Variants in RAD51B observed in about 807,000 individuals in gnomAD.
RAD51B encodes the protein RAD51 paralog B.
Under a neutral mutation model 42.2 loss-of-function variants are expected in RAD51B, and 38 were observed. The ratio of observed to expected loss-of-function variants is 0.90; its 90% CI spans 0.70 to 1.18. The LOEUF (loss-of-function observed/expected upper bound fraction) is 1.18, where lower values mean the gene tolerates loss of function less well. RAD51B is among the 50% of genes most tolerant of loss of function. The probability of loss-of-function intolerance (pLI) is 0.00; values close to 1 mark genes in which losing one functional copy is unlikely to be tolerated. For synonymous variants in RAD51B, 154 were observed against 145.2 expected, an observed-to-expected ratio of 1.06 and a Z score of -0.43; for missense variants, 373 against 400.7, an observed-to-expected ratio of 0.93 and a Z score of 0.59.
At chr14:67,963,838 AT>A (rs939550791) in intron 7 of RAD51B, among the ~76,000 whole-genome samples, 2 of 151,646 alleles carry the variant, frequency 1.3e-5, no homozygotes, top group African/African-American at 4.8e-5. Context: ...TTTTTTTAGG[AT>A]TTTTTTGAGT....
chr14:68,349,927 T>G (rs79266282), intron 8 of RAD51B, among the ~76,000 whole-genome samples: 3,005 of 152,312 alleles, frequency 0.02, 91 homozygotes, highest in African/African-American at 0.067. Context: ...TACACATAGA[T>G]GCAAGCTTGT....
At chr14:68,113,299 A>G (rs1324324792) in intron 7 of RAD51B, among the ~76,000 whole-genome samples, 2 of 152,136 alleles carry the variant, frequency 1.3e-5, no homozygotes, top group Non-Finnish European at 2.9e-5. Context: ...GAAGAAAACA[A>G]CTCATAAGAA....
chr14:68,422,465 G>T (rs2084728436), intron 9 of RAD51B, among the ~76,000 whole-genome samples: 1 of 150,522 alleles, frequency 6.6e-6, no homozygotes, highest in South Asian at 2.1e-4. Context: ...GGAGGCTGAG[G>T]CAGGGAATTG....
At chr14:68,461,632 C>T (rs1251786912) in intron 9 of RAD51B, among the ~76,000 whole-genome samples, 5 of 152,184 alleles carry the variant, frequency 3.3e-5, no homozygotes, top group Non-Finnish European at 7.3e-5. Context: ...CCACCCAAGT[C>T]CTATTGCACT....
intron 7 of RAD51B, among the ~76,000 whole-genome samples, chr14:68,130,539 A>G (rs1230466491): frequency 2.6e-5 from 4 of 152,252 alleles, no homozygotes; most frequent in Non-Finnish European, 5.9e-5. Context: ...CTCATTGTAT[A>G]GCATATCTTG....
At chr14:68,274,494 AG>A (rs1376088231) in intron 7 of RAD51B, among the ~76,000 whole-genome samples, 2 of 152,196 alleles carry the variant, frequency 1.3e-5, no homozygotes, top group East Asian at 3.8e-4. Flanking sequence ...TCCAATACCC[AG>A]CCCAAAATCA....
chr14:68,479,205 G>A (rs1177527555), downstream of RAD51B, among the ~76,000 whole-genome samples: 2 of 152,186 alleles, frequency 1.3e-5, no homozygotes, highest in Non-Finnish European at 2.9e-5. Flanking sequence ...GAAAACCAAG[G>A]TGAGTTTTCG....
chr14:68,326,992 C>A (rs1424209190), intron 8 of RAD51B, among the ~76,000 whole-genome samples: 2 of 152,142 alleles, frequency 1.3e-5, no homozygotes, highest in African/African-American at 4.8e-5. Context: ...CCTACCGGTG[C>A]ACCCCAGTGG....
intron 7 of RAD51B, among the ~76,000 whole-genome samples, chr14:67,898,646 C>T (rs150651368): frequency 4.5e-4 from 68 of 152,202 alleles, no homozygotes; most frequent in African/African-American, 1.0e-3. Context: ...TGGCATTGAC[C>T]GTAGTGATGG....
intron 7 of RAD51B, among the ~76,000 whole-genome samples, chr14:68,053,459 T>G (rs1215198255): frequency 6.6e-6 from 1 of 152,170 alleles, no homozygotes; most frequent in East Asian, 1.9e-4. Flanking sequence ...GACCTCCATG[T>G]TTTTGGTTGT....
At chr14:67,888,599 T>A (rs1213416917) in intron 7 of RAD51B, among the ~76,000 whole-genome samples, 5 of 151,856 alleles carry the variant, frequency 3.3e-5, no homozygotes, top group Non-Finnish European at 7.4e-5. Context: ...TCTCTAAAAA[T>A]ATATATATAT....
At chr14:68,323,993 G>A (rs2082203180) in intron 8 of RAD51B, among the ~76,000 whole-genome samples, 1 of 152,182 alleles carries the variant, frequency 6.6e-6, no homozygotes. Context: ...CTAAAAGACA[G>A]CCAAGAACAG....
At chr14:68,595,287 G>C in exon 11 of RAD51B, 1 of 1,065,020 alleles carries the variant, frequency 9.4e-7, no homozygotes, top group Non-Finnish European at 1.1e-6. Context: ...CTTGCTAAAG[G>C]CATTTCGCTT....
At chr14:68,344,325 T>G (rs1336533957) in intron 8 of RAD51B, among the ~76,000 whole-genome samples, 2 of 152,136 alleles carry the variant, frequency 1.3e-5, no homozygotes, top group African/African-American at 4.8e-5. Flanking sequence ...GGACATGGAG[T>G]CAAAGATGAT....
intron 11 of RAD51B, among the ~76,000 whole-genome samples, chr14:68,673,571 CAT>C (rs2140156794): frequency 1.3e-5 from 2 of 151,688 alleles, no homozygotes; most frequent in Admixed American, 6.6e-5. Flanking sequence ...TATGCACACA[CAT>C]ACACATACTG....
intron 9 of RAD51B, among the ~76,000 whole-genome samples, chr14:68,415,667 C>G (rs17755674): frequency 0.15 from 23,352 of 152,102 alleles, 1,919 homozygotes; most frequent in Middle Eastern, 0.24. Flanking sequence ...GAGGAGTGGC[C>G]GAGGCCTTCA....
intron 10 of RAD51B, among the ~76,000 whole-genome samples, chr14:68,493,113 G>A (rs1884210084): frequency 6.6e-6 from 1 of 152,006 alleles, no homozygotes; most frequent in Non-Finnish European, 1.5e-5. Context: ...TCCTCCCTTT[G>A]TGCATTTGGC....
intron 8 of RAD51B, among the ~76,000 whole-genome samples, chr14:68,408,757 A>G (rs943851479): frequency 6.6e-6 from 1 of 152,198 alleles, no homozygotes; most frequent in African/African-American, 2.4e-5. Flanking sequence ...TTAAAAATCA[A>G]AAGATGTGAT....
At chr14:68,639,332 G>A (rs1260494108) in intron 10 of RAD51B, among the ~76,000 whole-genome samples, 2 of 152,210 alleles carry the variant, frequency 1.3e-5, no homozygotes, top group African/African-American at 4.8e-5. Context: ...GTGGCTCCAC[G>A]GTCAGCCTGG....
Sources: allele counts gnomAD v4.1 joint callset (sites outside exome capture counted in the v4.1 genomes callset), GRCh38; gene constraint gnomAD v4.1.1; transcripts MANE v1.5; gene names NCBI Gene and HGNC (gene_info 2026-07-23, HGNC 2026-07-21).